The following ST6GAL1 variants were observed in gnomAD, a reference collection of about 807,000 sequenced individuals.
ST6GAL1 encodes beta-galactoside alpha-2,6-sialyltransferase 1.
Under a neutral mutation model 38.0 loss-of-function variants are expected in ST6GAL1, and 20 were observed. The observed-to-expected ratio is 0.53, with a 90% CI of 0.37 to 0.77. The LOEUF is 0.77. ST6GAL1 is among the 30% of genes least tolerant of loss of function. The probability of loss-of-function intolerance (pLI) is 0.00; values close to 1 mark genes in which losing one functional copy is unlikely to be tolerated. For missense variants in ST6GAL1, 432 were observed against 496.4 expected (o/e 0.87, Z 1.23); for synonymous variants, 196 against 188.2 (o/e 1.04, Z -0.34).
intron 1 of ST6GAL1, among the ~76,000 whole-genome samples, chr3:186,931,949 G>T (rs1343197712): frequency 6.6e-6 from 1 of 152,258 alleles, no homozygotes; most frequent in African/African-American, 2.4e-5. Context: ...CAGCTTTGCA[G>T]ATGTTAATCG....
intron 5 of ST6GAL1, among the ~76,000 whole-genome samples, chr3:187,063,622 C>A (rs1000367234): frequency 6.6e-6 from 1 of 152,200 alleles, no homozygotes; most frequent in African/African-American, 2.4e-5. Flanking sequence ...CCTCCCTGAG[C>A]ACTCTCTTGG....
At position 187,042,942 on chromosome 3, in the gene ST6GAL1, G is replaced by T. The variant is rs370846354; in HGVS notation, c.239G>T (p.Ser80Ile). 1 of 1,614,224 alleles carries T rather than the reference G, an allele frequency of 6.2e-7. No homozygotes were observed. The highest frequency in any genetic ancestry group is 1.3e-5 in the African/African-American group (1 of 75,064). Residue 80 changes from serine to isoleucine, a missense_variant, in exon 4 of 8, where the codon AGT (serine) becomes ATT (isoleucine). Physicochemically the swap from Ser to Ile is moderately radical, Grantham distance 142. Transcript: ENST00000169298. ...CACAGGGGCCGCCAGACCCTCGGCA[G>T]TCTCAGAGGCCTAGCCAAGGCCAAA... ...DPHRGRQTLG[S>I]LRGLAKAKPE...
At chr3:187,033,277 T>C (rs1717815272) in intron 2 of ST6GAL1, among the ~76,000 whole-genome samples, 1 of 152,152 alleles carries the variant, frequency 6.6e-6, no homozygotes, top group Non-Finnish European at 1.5e-5. Flanking sequence ...CTGGGCGTGG[T>C]GGCCGGTGCC....
At chr3:187,066,060 A>C (rs1719107274) in intron 5 of ST6GAL1, among the ~76,000 whole-genome samples, 1 of 151,342 alleles carries the variant, frequency 6.6e-6, no homozygotes, top group South Asian at 2.1e-4. Flanking sequence ...AAAGACAGGT[A>C]TCTGGATGGG....
At chr3:187,071,216 C>T (rs9847390) in intron 5 of ST6GAL1, among the ~76,000 whole-genome samples, 3,429 of 152,220 alleles carry the variant, frequency 0.023, 118 homozygotes, top group African/African-American at 0.079. Context: ...TGATTTCTGC[C>T]ATTTATTCCT....
intron 5 of ST6GAL1, chr3:187,064,678 G>A (rs539003169): frequency 1.3e-5 from 6 of 454,018 alleles, no homozygotes; most frequent in East Asian, 1.4e-4. Context: ...TGTTCCTTTC[G>A]TACTCGAGTC....
chr3:186,961,049 A>G (rs974587380), intron 1 of ST6GAL1, among the ~76,000 whole-genome samples: 4 of 151,292 alleles, frequency 2.6e-5, no homozygotes, highest in South Asian at 4.2e-4. Context: ...GCTCACTGCA[A>G]ATTTGCAAAT....
At chr3:187,070,520 G>T (rs1211584740) in intron 5 of ST6GAL1, among the ~76,000 whole-genome samples, 1 of 149,078 alleles carries the variant, frequency 6.7e-6, no homozygotes, top group East Asian at 2.0e-4. Context: ...CGCCTCCTGG[G>T]TTCAAGTGAT....
At chr3:187,070,550 G>C (rs56102352) in intron 5 of ST6GAL1, among the ~76,000 whole-genome samples, 1 of 148,820 alleles carries the variant, frequency 6.7e-6, no homozygotes, top group African/African-American at 2.5e-5. Context: ...TCAGCCTCCC[G>C]AGTAGCTGGG....
At chr3:187,033,421 T>G (rs916233092) in intron 2 of ST6GAL1, among the ~76,000 whole-genome samples, 4 of 152,018 alleles carry the variant, frequency 2.6e-5, no homozygotes, top group Non-Finnish European at 4.4e-5. Flanking sequence ...AAACAAAGAA[T>G]AAAATAATAA....
At chr3:187,011,927 C>T (rs909085158) in intron 2 of ST6GAL1, among the ~76,000 whole-genome samples, 4 of 152,152 alleles carry the variant, frequency 2.6e-5, no homozygotes, top group South Asian at 2.1e-4. Context: ...GGTTGAATTT[C>T]GGGAGGGTTT....
At chr3:187,044,891 T>C (rs1293318526) in intron 4 of ST6GAL1, among the ~76,000 whole-genome samples, 2 of 152,368 alleles carry the variant, frequency 1.3e-5, no homozygotes, top group South Asian at 2.1e-4. Context: ...GATCCTGAGA[T>C]GTAATCAAAA....
chr3:186,993,128 G>A (rs996562153), intron 2 of ST6GAL1, among the ~76,000 whole-genome samples: 3 of 152,150 alleles, frequency 2.0e-5, no homozygotes, highest in Non-Finnish European at 2.9e-5. Context: ...GTTTAGCTTC[G>A]GGTGGGGGCT....
At chr3:186,965,476 G>A (rs1277959245) in intron 2 of ST6GAL1, among the ~76,000 whole-genome samples, 1 of 152,188 alleles carries the variant, frequency 6.6e-6, no homozygotes, top group Non-Finnish European at 1.5e-5. Context: ...AGGAGGGATA[G>A]GGAGCGGGTG....
At chr3:186,940,710 G>T (rs1402171522) in intron 1 of ST6GAL1, among the ~76,000 whole-genome samples, 4 of 151,670 alleles carry the variant, frequency 2.6e-5, no homozygotes, top group Non-Finnish European at 4.4e-5. Flanking sequence ...GACATTCCTG[G>T]CATTATACTA....
At chr3:187,067,093 TTTTTTTTTTTTTTTG>T (rs1212951758) in intron 5 of ST6GAL1, among the ~76,000 whole-genome samples, 8 of 94,332 alleles carry the variant, frequency 8.5e-5, no homozygotes, top group African/African-American at 1.7e-4. Context: ...TTTTTTTTTT[TTTTTTTTTTTTTTTG>T]GAGACAGAGT....
intron 2 of ST6GAL1, among the ~76,000 whole-genome samples, chr3:187,022,316 G>A (rs1717347196): frequency 6.6e-6 from 1 of 152,156 alleles, no homozygotes; most frequent in African/African-American, 2.4e-5. Flanking sequence ...TGTGAGAGCA[G>A]AGGAAAGATG....
At chr3:187,014,188 AC>A (rs553681076) in intron 2 of ST6GAL1, among the ~76,000 whole-genome samples, 76 of 152,338 alleles carry the variant, frequency 5.0e-4, no homozygotes, top group African/African-American at 1.8e-3. Flanking sequence ...AGATGAGGAA[AC>A]TGAGACCCCG....
intron 5 of ST6GAL1, 79 bp from the exon 6 acceptor site, chr3:187,072,770 G>A (rs1389205996): frequency 7.9e-7 from 1 of 1,259,756 alleles, no homozygotes; most frequent in South Asian, 1.2e-5. Context: ...GCTGTACCTT[G>A]TGCTATGTCA....
Sources: allele counts gnomAD v4.1 joint callset (sites outside exome capture counted in the v4.1 genomes callset), GRCh38; gene constraint gnomAD v4.1.1; transcripts MANE v1.5; gene names NCBI Gene and HGNC (gene_info 2026-07-23, HGNC 2026-07-21).